The following CNTNAP3B variants were observed in gnomAD, a reference collection of about 807,000 sequenced individuals.
The protein encoded by CNTNAP3B is contactin-associated protein-like 3B.
Under a neutral mutation model 108.9 loss-of-function variants are expected in CNTNAP3B, and 25 were observed. That is an observed-to-expected ratio of 0.23 (90% confidence interval 0.17 to 0.32). CNTNAP3B has a LOEUF of 0.32. CNTNAP3B is among the 10% of genes least tolerant of loss of function. The probability of loss-of-function intolerance (pLI) is 1.00; values close to 1 mark genes in which losing one functional copy is unlikely to be tolerated. For synonymous variants in CNTNAP3B, 103 were observed against 473.4 expected (o/e 0.22, Z 10.16); for missense variants, 252 against 1,210.4 (o/e 0.21, Z 11.75).
chr9:42,038,500 C>A (rs1826679943), intron 3 of CNTNAP3B, among the ~76,000 whole-genome samples: 1 of 104,306 alleles, frequency 9.6e-6, no homozygotes, highest in Admixed American at 9.9e-5. Flanking sequence ...ATAAAACAGA[C>A]TTTAAACCAA....
At chr9:41,947,670 G>A (rs1172309346) in intron 13 of CNTNAP3B, among the ~76,000 whole-genome samples, 2 of 151,220 alleles carry the variant, frequency 1.3e-5, no homozygotes, top group African/African-American at 4.9e-5. Flanking sequence ...GAAGGAAGGA[G>A]ATAACAAAGA....
chr9:42,028,657 C>T, intron 3 of CNTNAP3B, among the ~76,000 whole-genome samples: 1 of 149,182 alleles, frequency 6.7e-6, no homozygotes, highest in Non-Finnish European at 1.5e-5. Flanking sequence ...TGATAACCAT[C>T]CCCATTCAAA....
intron 2 of CNTNAP3B, among the ~76,000 whole-genome samples, chr9:42,081,417 G>A (rs1223982110): frequency 7.0e-6 from 1 of 142,108 alleles, no homozygotes; most frequent in Non-Finnish European, 1.5e-5. Flanking sequence ...CACTTATTTT[G>A]TAATGGAAAA....
chr9:41,917,971 C>A (rs1226457012), intron 18 of CNTNAP3B, among the ~76,000 whole-genome samples: 1 of 152,310 alleles, frequency 6.6e-6, no homozygotes, highest in Non-Finnish European at 1.5e-5. Flanking sequence ...ACTGTTATTA[C>A]TGATTAATAA....
chr9:41,932,063 T>C (rs1323470793), intron 14 of CNTNAP3B, among the ~76,000 whole-genome samples: 1 of 151,862 alleles, frequency 6.6e-6, no homozygotes, highest in African/African-American at 2.4e-5. Context: ...TTTCACCAGT[T>C]TCTTATTGTT....
intron 13 of CNTNAP3B, among the ~76,000 whole-genome samples, chr9:41,941,878 G>A (rs1182299041): frequency 6.6e-6 from 1 of 151,940 alleles, no homozygotes; most frequent in Non-Finnish European, 1.5e-5. Context: ...TCCAGGAAGA[G>A]CCCCATCAAG....
intron 3 of CNTNAP3B, among the ~76,000 whole-genome samples, chr9:42,054,045 T>C (rs1408870969): frequency 2.0e-5 from 3 of 151,810 alleles, no homozygotes; most frequent in Admixed American, 6.6e-5. Flanking sequence ...TGAACTTCAA[T>C]ACTACTTTAG....
intron 2 of CNTNAP3B, among the ~76,000 whole-genome samples, chr9:42,098,788 A>C (rs978129693): frequency 3.8e-5 from 5 of 130,066 alleles, no homozygotes; most frequent in African/African-American, 1.6e-4. Context: ...TATTTTTTCT[A>C]TTGAGTTGAG....
In CNTNAP3B at chr9:42,095,546, G is replaced by C. The variant is rs1406871120; in HGVS notation, c.196+9083C>G. On this transcript the variant is annotated intron_variant, in intron 2 of 23. Coordinates refer to ENST00000377561, the MANE Select transcript of CNTNAP3B (RefSeq NM_001201380.3). ...GATACTGACTATAACCCTGACAAAAGCCACTTGAGCAAATCCGTCAGAATC... is the reference window on the plus strand; with the variant it reads ...GATACTGACTATAACCCTGACAAAACCCACTTGAGCAAATCCGTCAGAATC... Among the ~76,000 whole-genome samples, 4 of 138,560 alleles carry C rather than the reference G, an allele frequency of 2.9e-5. 2 individuals are homozygous for C. Among genetic ancestry groups the C allele is most frequent in the African/African-American group, 1.2e-4 (4 of 34,528 alleles). 90.9% of individuals were successfully genotyped at this position (138,560 alleles called of 152,430 possible). A position where few individuals can be genotyped will look rare whatever the true frequency, so the allele number is the denominator to read the frequency against.
chr9:41,963,119 C>A (rs1310373249), intron 11 of CNTNAP3B, among the ~76,000 whole-genome samples: 1 of 152,260 alleles, frequency 6.6e-6, no homozygotes, highest in African/African-American at 2.4e-5. Flanking sequence ...GGACTGGGAG[C>A]GCAGAATTCT....
intron 13 of CNTNAP3B, among the ~76,000 whole-genome samples, chr9:41,941,335 G>A (rs1351728613): frequency 7.1e-6 from 1 of 141,632 alleles, no homozygotes; most frequent in Non-Finnish European, 1.5e-5. Flanking sequence ...AACATAGGCA[G>A]GTTAAAAGTA....
At chr9:42,067,376 A>AT (rs1246462655) in intron 3 of CNTNAP3B, among the ~76,000 whole-genome samples, 14 of 145,586 alleles carry the variant, frequency 9.6e-5, no homozygotes, top group African/African-American at 3.6e-4. Flanking sequence ...ATATGAAAGA[A>AT]TAACAGACAA....
chr9:41,913,756 A>C (rs1322502442), intron 18 of CNTNAP3B, among the ~76,000 whole-genome samples: 1 of 127,422 alleles, frequency 7.8e-6, no homozygotes, highest in Non-Finnish European at 1.7e-5. Context: ...GTAAACATGA[A>C]GTTATATAAT....
At chr9:42,066,152 C>T (rs1827260342) in intron 3 of CNTNAP3B, among the ~76,000 whole-genome samples, 2 of 136,914 alleles carry the variant, frequency 1.5e-5, no homozygotes, top group South Asian at 4.8e-4. Context: ...GGATTAACAT[C>T]TTTACATTAC....
intron 1 of CNTNAP3B, among the ~76,000 whole-genome samples, chr9:42,116,501 C>A (rs1828320361): frequency 7.5e-6 from 1 of 134,004 alleles, no homozygotes; most frequent in Non-Finnish European, 1.6e-5. Flanking sequence ...CCAGGCCTGC[C>A]TTACAAGAGC....
At chr9:41,942,643 A>T (rs1386391196) in intron 13 of CNTNAP3B, among the ~76,000 whole-genome samples, 1 of 151,996 alleles carries the variant, frequency 6.6e-6, no homozygotes, top group Non-Finnish European at 1.5e-5. Flanking sequence ...CATTAAAAAA[A>T]AAAGAGTATA....
intron 13 of CNTNAP3B, among the ~76,000 whole-genome samples, chr9:41,938,628 TTTC>T (rs1824232983): frequency 6.6e-6 from 1 of 152,298 alleles, no homozygotes; most frequent in South Asian, 2.1e-4. Flanking sequence ...TCCATCTATT[TTTC>T]TTCTATTAGA....
At chr9:41,916,351 C>G (rs931421475) in intron 18 of CNTNAP3B, among the ~76,000 whole-genome samples, 3 of 146,996 alleles carry the variant, frequency 2.0e-5, no homozygotes, top group Non-Finnish European at 4.5e-5. Flanking sequence ...TAGTTAAGCA[C>G]TGAAAAGGGT....
chr9:41,919,651 C>T (rs1417480178), intron 18 of CNTNAP3B, among the ~76,000 whole-genome samples: 23 of 152,342 alleles, frequency 1.5e-4, no homozygotes, highest in South Asian at 4.1e-4. Flanking sequence ...ATGGGTAAGA[C>T]GATTGCTCAA....
Sources: allele counts gnomAD v4.1 joint callset (sites outside exome capture counted in the v4.1 genomes callset), GRCh38; gene constraint gnomAD v4.1.1; transcripts MANE v1.5; gene names NCBI Gene and HGNC (gene_info 2026-07-23, HGNC 2026-07-21).